Variants in GABRB3 observed in about 807,000 individuals in gnomAD.
GABRB3 encodes gamma-aminobutyric acid receptor subunit beta-3.
A neutral mutation model predicts 52.1 loss-of-function variants in GABRB3; 14 were observed. The observed-to-expected ratio is 0.27, with a 90% CI of 0.18 to 0.42. The LOEUF is 0.42. Among genes scored for constraint, GABRB3 ranks in the 10% least tolerant of loss-of-function variants. The pLI is 1.00. For synonymous variants in GABRB3, 260 were observed against 232.3 expected, an observed-to-expected ratio of 1.12 and a Z score of -1.08; for missense variants, 307 against 609.1, an observed-to-expected ratio of 0.50 and a Z score of 5.22.
At chr15:26,623,895 C>T (rs897539420) in intron 3 of GABRB3, among the ~76,000 whole-genome samples, 9 of 152,194 alleles carry the variant, frequency 5.9e-5, no homozygotes, top group African/African-American at 2.2e-4. Flanking sequence ...GTGTGGCTCC[C>T]TGCTGCTCCA....
chr15:26,724,579 C>T (rs778705460), intron 3 of GABRB3, among the ~76,000 whole-genome samples: 2 of 152,076 alleles, frequency 1.3e-5, no homozygotes, highest in African/African-American at 4.8e-5. Flanking sequence ...GAGTGGTTGG[C>T]GCCAGTCTAC....
At chr15:26,576,324 T>C (rs140232356) in intron 6 of GABRB3, among the ~76,000 whole-genome samples, 2,626 of 152,348 alleles carry the variant, frequency 0.017, 36 homozygotes, top group South Asian at 0.035. Flanking sequence ...TTCCTCTTTA[T>C]AATGTTTTCA....
rs75577643 is a variant in GABRB3, at chr15:26,767,935, C to T, written c.240+4467G>A. On this transcript the variant is annotated intron_variant, in intron 3 of 8. Coordinates refer to ENST00000311550, the MANE Select transcript of GABRB3 (RefSeq NM_000814.6). Reference sequence around the variant, plus strand: ...TTTTGTACATGGGTATGACTGTATCCATTTAGTAGTGATACAGCTACAAAG... The same window carrying T: ...TTTTGTACATGGGTATGACTGTATCTATTTAGTAGTGATACAGCTACAAAG... 6.8e-3 allele frequency among the ~76,000 whole-genome samples: 1,033 copies of T among 152,096 alleles called. 23 individuals are homozygous for T. The highest frequency in any genetic ancestry group is 0.054 in the East Asian group (281 of 5,170).
intron 6 of GABRB3, among the ~76,000 whole-genome samples, chr15:26,576,682 T>C (rs965304828): frequency 1.3e-5 from 2 of 152,150 alleles, no homozygotes; most frequent in African/African-American, 2.4e-5. Context: ...TTCAGATACC[T>C]GCAGTTTTCA....
intron 8 of GABRB3, among the ~76,000 whole-genome samples, chr15:26,553,109 C>G (rs1889541824): frequency 6.6e-6 from 1 of 152,130 alleles, no homozygotes; most frequent in Admixed American, 6.5e-5. Context: ...GATGTTGAGT[C>G]AGAAGATAAT....
intron 7 of GABRB3, among the ~76,000 whole-genome samples, chr15:26,566,823 C>A (rs1390803514): frequency 6.6e-6 from 1 of 152,122 alleles, no homozygotes; most frequent in Non-Finnish European, 1.5e-5. Flanking sequence ...GTTGATAATT[C>A]TTTTCCATCA....
At chr15:26,773,395 C>T (rs1891217431), upstream of GABRB3, among the ~76,000 whole-genome samples, 1 of 151,066 alleles carries the variant, frequency 6.6e-6, no homozygotes, top group Non-Finnish European at 1.5e-5. Flanking sequence ...GGGGGGTCGT[C>T]CCCTGAGCCG....
At chr15:26,607,755 T>C (rs1395765996) in intron 4 of GABRB3, among the ~76,000 whole-genome samples, 1 of 151,788 alleles carries the variant, frequency 6.6e-6, no homozygotes, top group Non-Finnish European at 1.5e-5. Flanking sequence ...AATAAAATAC[T>C]TAGGAATAAA....
intron 3 of GABRB3, among the ~76,000 whole-genome samples, chr15:26,736,651 G>A (rs895873840): frequency 6.6e-6 from 1 of 152,254 alleles, no homozygotes; most frequent in East Asian, 1.9e-4. Flanking sequence ...CTTCCATAGG[G>A]TGGGGTGCTG....
At chr15:26,592,947 G>A (rs912327956) in intron 4 of GABRB3, among the ~76,000 whole-genome samples, 2 of 151,240 alleles carry the variant, frequency 1.3e-5, no homozygotes, top group African/African-American at 2.4e-5. Flanking sequence ...CCTGGGAGGT[G>A]GAGGTTACAG....
At chr15:26,613,818 A>T (rs1892163179) in intron 4 of GABRB3, 1 of 152,214 alleles carries the variant, frequency 6.6e-6, no homozygotes, top group Non-Finnish European at 1.5e-5. Flanking sequence ...ATGTAATAGA[A>T]AGTGAATGAA....
At chr15:26,626,868 G>A (rs982387734) in intron 3 of GABRB3, among the ~76,000 whole-genome samples, 1 of 152,226 alleles carries the variant, frequency 6.6e-6, no homozygotes, top group Non-Finnish European at 1.5e-5. Flanking sequence ...TAAAATCACT[G>A]ATGAAGGTGG....
intron 3 of GABRB3, among the ~76,000 whole-genome samples, chr15:26,704,132 A>C (rs1383153244): frequency 6.6e-6 from 1 of 152,206 alleles, no homozygotes; most frequent in African/African-American, 2.4e-5. Flanking sequence ...CAGCTCTTGC[A>C]TTCTGTGCAC....
chr15:26,548,829 G>A (rs1595429544), intron 8 of GABRB3, among the ~76,000 whole-genome samples: 1 of 152,160 alleles, frequency 6.6e-6, no homozygotes, highest in South Asian at 2.1e-4. Flanking sequence ...GATGCCAAAG[G>A]TCCATTCTGT....
chr15:26,671,713 T>C (rs1887903277), intron 3 of GABRB3, among the ~76,000 whole-genome samples: 2 of 152,214 alleles, frequency 1.3e-5, no homozygotes, highest in Non-Finnish European at 1.5e-5. Flanking sequence ...ATTTTATGGT[T>C]GACATGTTTT....
chr15:26,553,941 C>T (rs1046808697), intron 8 of GABRB3, among the ~76,000 whole-genome samples: 1 of 144,706 alleles, frequency 6.9e-6, no homozygotes, highest in African/African-American at 2.6e-5. Context: ...GTGGCGTGAC[C>T]ATAGCTCACA....
At chr15:26,663,630 T>G (rs957699367) in intron 3 of GABRB3, among the ~76,000 whole-genome samples, 5 of 152,250 alleles carry the variant, frequency 3.3e-5, no homozygotes, top group African/African-American at 9.6e-5. Context: ...AAGCATGCAC[T>G]GAATTTGCAT....
chr15:26,681,981 A>G (rs1888254991), intron 3 of GABRB3, among the ~76,000 whole-genome samples: 2 of 152,072 alleles, frequency 1.3e-5, no homozygotes, highest in South Asian at 4.1e-4. Flanking sequence ...TATTTCACAA[A>G]ATTATCACAG....
At chr15:26,602,460 A>AT (rs1225015425) in intron 4 of GABRB3, among the ~76,000 whole-genome samples, 1 of 152,100 alleles carries the variant, frequency 6.6e-6, no homozygotes, top group Non-Finnish European at 1.5e-5. Context: ...CAGAATACAC[A>AT]TTTTTCTTCT....
Sources: gnomAD v4.1 joint callset for allele counts (sites outside exome capture counted in the v4.1 genomes callset) on GRCh38, gnomAD v4.1.1 for gene constraint, MANE v1.5 for transcripts, NCBI Gene and HGNC (gene_info 2026-07-23, HGNC 2026-07-21) for gene names.